The following DOCK2 variants were observed in gnomAD, a reference collection of about 807,000 sequenced individuals.
DOCK2 encodes the protein dedicator of cytokinesis 2.
In DOCK2, 87 loss-of-function variants were observed where a neutral mutation model predicts 248.9. The observed-to-expected ratio is 0.35, with a 90% CI of 0.29 to 0.42. DOCK2 has a LOEUF of 0.42. Ranked by LOEUF, DOCK2 falls within the 10% of genes least tolerant of loss-of-function variation. The pLI is 1.00. For missense variants in DOCK2, 1,747 were observed against 2,300.2 expected (o/e 0.76, Z 4.92); for synonymous variants, 805 against 821.6 (o/e 0.98, Z 0.35).
intron 27 of DOCK2, chr5:169,883,716 G>T (rs1453183279): frequency 1.9e-6 from 3 of 1,551,564 alleles, no homozygotes; most frequent in African/African-American, 1.4e-5. Context: ...TCACAGCCGG[G>T]TCTTCTGGAG....
chr5:169,837,259 A>T (rs1177972113), intron 26 of DOCK2, among the ~76,000 whole-genome samples: 1 of 152,200 alleles, frequency 6.6e-6, no homozygotes, highest in African/African-American at 2.4e-5. Flanking sequence ...TTGTCATTTC[A>T]ATTACAAGCT....
intron 26 of DOCK2, among the ~76,000 whole-genome samples, chr5:169,828,386 G>A (rs261627): frequency 0.15 from 22,116 of 152,186 alleles, 2,376 homozygotes; most frequent in African/African-American, 0.3. Flanking sequence ...ATAGGCTGCT[G>A]TATGTTTCAT....
At chr5:169,864,505 A>G (rs1771413026) in intron 27 of DOCK2, 2 of 1,365,454 alleles carry the variant, frequency 1.5e-6, no homozygotes, top group South Asian at 2.9e-5. Flanking sequence ...TCGAATCAGC[A>G]CAGACTGATT....
chr5:169,970,167 T>C (rs986701565), intron 27 of DOCK2, among the ~76,000 whole-genome samples: 12 of 152,224 alleles, frequency 7.9e-5, no homozygotes, highest in African/African-American at 2.9e-4. Flanking sequence ...TGGTTTTTAA[T>C]TTGATGTTCT....
At chr5:169,926,175 G>A (rs1209556084) in intron 27 of DOCK2, among the ~76,000 whole-genome samples, 58 of 152,106 alleles carry the variant, frequency 3.8e-4, no homozygotes, top group South Asian at 2.1e-4. Context: ...TCCTATAGTC[G>A]GCATGGATGT....
At chr5:170,075,197 A>C (rs1219630498) in intron 46 of DOCK2, among the ~76,000 whole-genome samples, 2 of 152,098 alleles carry the variant, frequency 1.3e-5, no homozygotes, top group Non-Finnish European at 2.9e-5. Flanking sequence ...TTTCCCTGAG[A>C]CCACACAACT....
intron 22 of DOCK2, among the ~76,000 whole-genome samples, chr5:169,737,284 G>T (rs1763088164): frequency 6.6e-6 from 1 of 152,170 alleles, no homozygotes. Context: ...GTCTAGGGTG[G>T]CTGGAATTCA....
At chr5:169,872,450 G>T (rs1425234179) in intron 27 of DOCK2, among the ~76,000 whole-genome samples, 2 of 152,146 alleles carry the variant, frequency 1.3e-5, no homozygotes, top group African/African-American at 4.8e-5. Context: ...TTTTTATAGG[G>T]TTTAATTTTG....
intron 25 of DOCK2, among the ~76,000 whole-genome samples, chr5:169,788,244 T>A (rs1038336172): frequency 2.0e-5 from 3 of 152,218 alleles, no homozygotes; most frequent in Non-Finnish European, 4.4e-5. Flanking sequence ...TCATATGGAA[T>A]GCTTGGCATT....
chr5:169,648,204 T>C (rs1007707578), intron 1 of DOCK2, among the ~76,000 whole-genome samples: 3 of 152,138 alleles, frequency 2.0e-5, no homozygotes, highest in Non-Finnish European at 4.4e-5. Context: ...ATCTTTGTTA[T>C]GGGGCTGTCC....
chr5:169,992,546 C>T (rs1339773099), intron 29 of DOCK2, among the ~76,000 whole-genome samples: 1 of 151,644 alleles, frequency 6.6e-6, no homozygotes, highest in Admixed American at 6.6e-5. Flanking sequence ...CTCACTGCAA[C>T]CTCCAACTCC....
intron 2 of DOCK2, among the ~76,000 whole-genome samples, chr5:169,666,005 C>T (rs1369427711): frequency 4.6e-5 from 7 of 152,134 alleles, no homozygotes; most frequent in Admixed American, 1.3e-4. Context: ...CATCTTCCTC[C>T]AGAATGCATG....
At chr5:169,822,147 A>G (rs1424105673) in intron 26 of DOCK2, among the ~76,000 whole-genome samples, 2 of 152,260 alleles carry the variant, frequency 1.3e-5, no homozygotes, top group South Asian at 4.1e-4. Context: ...AAAGAGACTT[A>G]GACTCCCACA....
At chr5:169,745,618 T>G (rs1763569459) in intron 22 of DOCK2, among the ~76,000 whole-genome samples, 1 of 152,070 alleles carries the variant, frequency 6.6e-6, no homozygotes, top group South Asian at 2.1e-4. Context: ...TGGCCTGGTG[T>G]TTTCTGGCAT....
intron 26 of DOCK2, among the ~76,000 whole-genome samples, chr5:169,820,754 A>C (rs971507164): frequency 1.3e-5 from 2 of 152,264 alleles, no homozygotes; most frequent in African/African-American, 4.8e-5. Flanking sequence ...CAGCAAAGGA[A>C]CAAAGCTGGA....
rs914541523 is a variant in DOCK2 at position 169,637,284 on chromosome 5, C to T, written c.-43C>T. The T allele has an allele frequency of 5.6e-6, 8 of 1,436,472 alleles. No homozygotes were observed. The Admixed American group carries it at 1.7e-4, about 30-fold the overall frequency. The allele number at this position is 1,436,472 out of a possible 1,614,324, so 89.0% of individuals were successfully genotyped here. ...GGGCCCTGCGGCGCCCAGCCACCCCCTGACGGCTTCCCCACGGGAGGACGC... is the reference window on the plus strand; with the variant it reads ...GGGCCCTGCGGCGCCCAGCCACCCCTTGACGGCTTCCCCACGGGAGGACGC... On this transcript the variant is annotated 5_prime_UTR_variant, in exon 1 of 52. Coordinates refer to ENST00000520908, the MANE Select transcript of DOCK2 (RefSeq NM_004946.3).
intron 25 of DOCK2, among the ~76,000 whole-genome samples, chr5:169,799,751 A>T (rs909612547): frequency 6.6e-6 from 1 of 152,184 alleles, no homozygotes; most frequent in African/African-American, 2.4e-5. Flanking sequence ...ATCTTTCTAA[A>T]CAAAGGGTAG....
chr5:169,645,212 T>C (rs1228151773), intron 1 of DOCK2, among the ~76,000 whole-genome samples: 1 of 152,166 alleles, frequency 6.6e-6, no homozygotes, highest in African/African-American at 2.4e-5. Flanking sequence ...CCTTGAGGAA[T>C]TGTTTTCCAC....
chr5:170,044,731 G>A (rs993200120), intron 38 of DOCK2, among the ~76,000 whole-genome samples: 6 of 152,114 alleles, frequency 3.9e-5, no homozygotes, highest in African/African-American at 1.2e-4. Context: ...CTCGGCACTT[G>A]GTTTTATTTA....
Sources: gnomAD v4.1 joint callset for allele counts (sites outside exome capture counted in the v4.1 genomes callset) on GRCh38, gnomAD v4.1.1 for gene constraint, MANE v1.5 for transcripts, NCBI Gene and HGNC (gene_info 2026-07-23, HGNC 2026-07-21) for gene names.